ABHD17C: variants seen among roughly 807,000 people sequenced by gnomAD.
ABHD17C encodes the protein alpha/beta hydrolase domain-containing protein 17C.
Under a neutral mutation model 27.9 loss-of-function variants are expected in ABHD17C, and 11 were observed. The observed-to-expected ratio is 0.39, with a 90% CI of 0.25 to 0.65. The LOEUF (loss-of-function observed/expected upper bound fraction) is 0.65, where lower values mean the gene tolerates loss of function less well. Ranked by LOEUF, ABHD17C falls within the 30% of genes least tolerant of loss-of-function variation. The probability of loss-of-function intolerance (pLI) is 0.45; values close to 1 mark genes in which losing one functional copy is unlikely to be tolerated. For missense variants in ABHD17C, 280 were observed against 470.2 expected (o/e 0.60, Z 3.74); for synonymous variants, 233 against 209.1 (o/e 1.11, Z -0.98).
chr15:80,714,431 A>T (rs1185109667), intron 1 of ABHD17C, among the ~76,000 whole-genome samples: 3 of 152,214 alleles, frequency 2.0e-5, no homozygotes, highest in African/African-American at 7.2e-5. Context: ...GAAACTTAGG[A>T]CCATGATAGA....
chr15:80,707,636 A>G (rs1319981315), intron 1 of ABHD17C, among the ~76,000 whole-genome samples: 1 of 152,012 alleles, frequency 6.6e-6, no homozygotes, highest in Non-Finnish European at 1.5e-5. Flanking sequence ...GTTGGGCCAC[A>G]CCATCCAAAG....
Position 80,713,354 on chromosome 15 carries a change from CTTTTTTTTTTTTTTTT to C in ABHD17C, c.590+17348_590+17363del, listed in dbSNP as rs67320992. On this transcript the variant is annotated intron_variant, in intron 1 of 2. Coordinates refer to ENST00000258884, the MANE Select transcript of ABHD17C (RefSeq NM_021214.2). ...GAAGGAAAGCCACTGAGGTCTTGTTCTTTTTTTTTTTTTTTTTTTTTTTTTTTTCAAAATCAGCCTT... is the reference window on the plus strand; with the variant it reads ...GAAGGAAAGCCACTGAGGTCTTGTTCTTTTTTTTTTTTCAAAATCAGCCTT... Among the ~76,000 whole-genome samples the C allele has an allele frequency of 1.1e-4, 5 of 43,842 alleles. 1 individual carries two copies. Among genetic ancestry groups the C allele is most frequent in the East Asian group, 2.2e-3 (2 of 926 alleles). 28.8% of individuals were successfully genotyped at this position (43,842 alleles called of 152,430 possible).
At chr15:80,739,553 T>C (rs547530725) in intron 1 of ABHD17C, among the ~76,000 whole-genome samples, 2 of 152,268 alleles carry the variant, frequency 1.3e-5, no homozygotes, top group Non-Finnish European at 2.9e-5. Flanking sequence ...CTTTCTGTTA[T>C]ATTAGTTCAT....
chr15:80,710,606 G>A lies in ABHD17C; in HGVS notation c.590+14587G>A, dbSNP rs377037311. 1.5e-3 allele frequency among the ~76,000 whole-genome samples: 228 copies of A among 152,280 alleles called. 1 individual carries two copies. The highest frequency in any genetic ancestry group is 5.2e-3 in the African/African-American group (217 of 41,566). Reference sequence around the variant, plus strand: ...GAGATTTTGGATGTATTTGAAAGGCGGAACCAACAACAGTATTTGCTGATG... The same window carrying A: ...GAGATTTTGGATGTATTTGAAAGGCAGAACCAACAACAGTATTTGCTGATG... On this transcript the variant is annotated intron_variant, in intron 1 of 2. Coordinates refer to ENST00000258884, the MANE Select transcript of ABHD17C (RefSeq NM_021214.2).
chr15:80,740,985 A>T (rs1895201383), intron 1 of ABHD17C, among the ~76,000 whole-genome samples: 1 of 152,200 alleles, frequency 6.6e-6, no homozygotes, highest in South Asian at 2.1e-4. Flanking sequence ...GTGGACATGG[A>T]AACAGATCAG....
At chr15:80,712,657 C>T (rs929018302) in intron 1 of ABHD17C, among the ~76,000 whole-genome samples, 25 of 152,064 alleles carry the variant, frequency 1.6e-4, no homozygotes, top group Non-Finnish European at 1.9e-4. Context: ...GTAGTACAGC[C>T]CTCCATATGT....
At chr15:80,714,275 G>A (rs926765404) in intron 1 of ABHD17C, among the ~76,000 whole-genome samples, 2 of 152,162 alleles carry the variant, frequency 1.3e-5, no homozygotes, top group African/African-American at 4.8e-5. Context: ...TTATAAAGTA[G>A]GCAGTTTGCA....
intron 1 of ABHD17C, among the ~76,000 whole-genome samples, chr15:80,723,565 G>A (rs955995584): frequency 2.6e-5 from 4 of 152,196 alleles, no homozygotes; most frequent in African/African-American, 9.6e-5. Flanking sequence ...TCTTATCAGT[G>A]TTCCACAGTT....
chr15:80,701,446 A>G lies in ABHD17C; in HGVS notation c.590+5427A>G, dbSNP rs980012363. Reference sequence around the variant, plus strand: ...GTAATCCCAGCACTTTGGGAGGCTGAGACGGGCGGATCATTTGAGGTCAGG... The same window carrying G: ...GTAATCCCAGCACTTTGGGAGGCTGGGACGGGCGGATCATTTGAGGTCAGG... On this transcript the variant is annotated intron_variant, in intron 1 of 2. Coordinates refer to ENST00000258884, the MANE Select transcript of ABHD17C (RefSeq NM_021214.2). Among the ~76,000 whole-genome samples the G allele has an allele frequency of 8.5e-5, 13 of 152,174 alleles. 1 individual carries two copies. In the East Asian group the frequency reaches 1.4e-3, roughly 16 times the overall value.
chr15:80,715,967 G>A (rs1271443414), intron 1 of ABHD17C, among the ~76,000 whole-genome samples: 1 of 152,126 alleles, frequency 6.6e-6, no homozygotes, highest in Non-Finnish European at 1.5e-5. Flanking sequence ...CAGTATGCTT[G>A]TGGACATTAC....
chr15:80,753,459 C>T (rs1895390481), intron 2 of ABHD17C, among the ~76,000 whole-genome samples: 3 of 152,304 alleles, frequency 2.0e-5, no homozygotes, highest in South Asian at 4.1e-4. Context: ...AGATGTATCA[C>T]GGTAATGTAC....
In ABHD17C at chr15:80,748,392, A is replaced by C. The variant is rs545441220; in HGVS notation, c.591-1121A>C. Among the ~76,000 whole-genome samples, 3 of 152,288 alleles carry C rather than the reference A, an allele frequency of 2.0e-5. No individual in the cohort carries two copies. The South Asian group carries it at 6.2e-4, about 32-fold the overall frequency. ...TCCCAAGTGCTTGTACTAATTTACA[A>C]AGTAACAGCGTTCCACTTTTCCATG... On this transcript the variant is annotated intron_variant, in intron 1 of 2. Transcript: ENST00000258884.
At chr15:80,716,343 A>G (rs953604550) in intron 1 of ABHD17C, among the ~76,000 whole-genome samples, 1 of 152,184 alleles carries the variant, frequency 6.6e-6, no homozygotes, top group Non-Finnish European at 1.5e-5. Context: ...AAGCTCCGAC[A>G]TGCTTCTGTC....
chr15:80,754,912 T>TA lies in ABHD17C; in HGVS notation c.*543dup, dbSNP rs1193710188. 6.5e-6 allele frequency: 1 copy of TA among 152,768 alleles called. No homozygotes were observed. The highest frequency in any genetic ancestry group is 1.5e-5 in the Non-Finnish European group (1 of 68,472). 9.5% of individuals were successfully genotyped at this position (152,768 alleles called of 1,614,324 possible). A position where few individuals can be genotyped will look rare whatever the true frequency, so the allele number is the denominator to read the frequency against. ...AGGGTAATTTACTGGAACTCTCGTG[T>TA]ACAGCTTCATCAACTGTAACCATAT... is the stretch of plus-strand genomic sequence containing the variant. On this transcript the variant is annotated 3_prime_UTR_variant, in exon 3 of 3. Coordinates refer to ENST00000258884, the MANE Select transcript of ABHD17C (RefSeq NM_021214.2).
chr15:80,744,370 A>T lies in ABHD17C; in HGVS notation c.591-5143A>T, dbSNP rs985820815. 4.6e-5 allele frequency among the ~76,000 whole-genome samples: 7 copies of T among 152,336 alleles called. No individual in the cohort carries two copies. The South Asian group carries it at 1.4e-3, about 32-fold the overall frequency. The stretch of plus-strand genomic sequence containing the variant: ...GTCTAATACTTTGATAGAAAAAAAA[A>T]ATCCTAGTACTACAGTAAAAAGAGT... On this transcript the variant is annotated intron_variant, in intron 1 of 2. Coordinates refer to ENST00000258884, the MANE Select transcript of ABHD17C (RefSeq NM_021214.2).
Position 80,695,556 on chromosome 15 carries a change from A to C in ABHD17C, c.127A>C (p.Thr43Pro). ...LAFLPPEPTY[T>P]VLAPEQRGAG... ...CTTCCTGCCGCCCGAGCCCACCTAC[A>C]CGGTGCTGGCGCCGGAGCAGCGCGG... Residue 43 changes from threonine to proline, a missense_variant, in exon 1 of 3, where the codon ACG becomes CCG. By Grantham distance (38) the Thr-to-Pro change is conservative (BLOSUM62 -1). Transcript: ENST00000258884. The surrounding 1 kb of genome is among the most constrained non-coding windows in gnomAD (Gnocchi z 4.3). 10 of 1,310,876 alleles carry C rather than the reference A, an allele frequency of 7.6e-6. No individual in the cohort carries two copies. The highest frequency in any genetic ancestry group is 4.7e-5 in the East Asian group (1 of 21,146). 81.2% of individuals were successfully genotyped at this position (1,310,876 alleles called of 1,614,324 possible). A position where few individuals can be genotyped will look rare whatever the true frequency, so the allele number is the denominator to read the frequency against.
intron 2 of ABHD17C, among the ~76,000 whole-genome samples, chr15:80,751,521 C>T (rs1895366295): frequency 6.6e-6 from 1 of 152,148 alleles, no homozygotes; most frequent in Non-Finnish European, 1.5e-5. Context: ...GCTGGAGTAT[C>T]ACTTGAGGCC....
chr15:80,727,246 A>G (rs1894994120), intron 1 of ABHD17C, among the ~76,000 whole-genome samples: 1 of 152,162 alleles, frequency 6.6e-6, no homozygotes, highest in Non-Finnish European at 1.5e-5. Flanking sequence ...AGGGTCACTC[A>G]GTAGTTTAGT....
intron 1 of ABHD17C, among the ~76,000 whole-genome samples, chr15:80,720,790 G>A (rs11072935): frequency 0.1 from 15,477 of 151,612 alleles, 1,475 homozygotes; most frequent in East Asian, 0.56. Flanking sequence ...GCGTGGTGAC[G>A]GGTGCCTGTA....
Sources: gnomAD v4.1 joint callset for allele counts (sites outside exome capture counted in the v4.1 genomes callset) on GRCh38, gnomAD v4.1.1 for gene constraint, Gnocchi (gnomAD v3.1) non-coding constraint, MANE v1.5 for transcripts, NCBI Gene and HGNC (gene_info 2026-07-23, HGNC 2026-07-21) for gene names.